The following CNOT4 variants were observed in gnomAD, a reference collection of about 807,000 sequenced individuals.
CNOT4 encodes the protein CCR4-NOT transcription complex subunit 4.
Under a neutral mutation model 73.8 loss-of-function variants are expected in CNOT4, and 8 were observed. The ratio of observed to expected loss-of-function variants is 0.11; its 90% CI spans 0.06 to 0.20. The LOEUF is 0.20. Ranked by LOEUF, CNOT4 falls within the 10% of genes least tolerant of loss-of-function variation. The pLI is 1.00. For synonymous variants in CNOT4, 293 were observed against 321.1 expected (o/e 0.91, Z 0.94); for missense variants, 564 against 883.4 (o/e 0.64, Z 4.58).
intron 10 of CNOT4, among the ~76,000 whole-genome samples, chr7:135,372,543 G>A (rs1022457543): frequency 6.7e-6 from 1 of 148,536 alleles, no homozygotes; most frequent in African/African-American, 2.5e-5. Flanking sequence ...AACCCTGAAC[G>A]TTTGCTACCA....
chr7:135,501,308 A>T (rs1289030266), intron 1 of CNOT4, among the ~76,000 whole-genome samples: 1 of 152,094 alleles, frequency 6.6e-6, no homozygotes, highest in African/African-American at 2.4e-5. Flanking sequence ...TGAGGCTGTT[A>T]TTGGAGTAAT....
chr7:135,482,197 AAT>A (rs1203669013), intron 1 of CNOT4, among the ~76,000 whole-genome samples: 1 of 152,206 alleles, frequency 6.6e-6, no homozygotes, highest in Non-Finnish European at 1.5e-5. Context: ...GTACTCCATA[AAT>A]ATATGATATT....
chr7:135,441,000 C>A (rs1799447440), intron 1 of CNOT4, among the ~76,000 whole-genome samples: 1 of 151,534 alleles, frequency 6.6e-6, no homozygotes, highest in Non-Finnish European at 1.5e-5. Flanking sequence ...TATGATATAA[C>A]ATAAGGTATG....
chr7:135,407,367 C>T (rs530691454), intron 7 of CNOT4, among the ~76,000 whole-genome samples: 1 of 152,192 alleles, frequency 6.6e-6, no homozygotes, highest in South Asian at 2.1e-4. Flanking sequence ...ATATTCATTT[C>T]CAATCTAAAG....
intron 1 of CNOT4, among the ~76,000 whole-genome samples, chr7:135,452,869 G>C (rs1316605936): frequency 6.6e-6 from 1 of 152,180 alleles, no homozygotes; most frequent in Non-Finnish European, 1.5e-5. Context: ...TAAGCCCGAT[G>C]AAAGTGTTAT....
intron 2 of CNOT4, among the ~76,000 whole-genome samples, chr7:135,436,720 T>C (rs1489762450): frequency 6.6e-6 from 1 of 151,418 alleles, no homozygotes; most frequent in Non-Finnish European, 1.5e-5. Context: ...AACATTGAAA[T>C]AGACCTAACT....
chr7:135,450,478 G>C (rs1356514045), intron 1 of CNOT4, among the ~76,000 whole-genome samples: 1 of 151,962 alleles, frequency 6.6e-6, no homozygotes, highest in African/African-American at 2.4e-5. Context: ...GTAATCCTTA[G>C]ACCCAGATTA....
chr7:135,469,799 G>A (rs1342425112), intron 1 of CNOT4, among the ~76,000 whole-genome samples: 1 of 151,628 alleles, frequency 6.6e-6, no homozygotes, highest in Non-Finnish European at 1.5e-5. Context: ...TTTTGTTGTT[G>A]GTGGTGATGT....
chr7:135,439,656 G>GTA (rs1799357096), intron 1 of CNOT4, among the ~76,000 whole-genome samples: 1 of 152,082 alleles, frequency 6.6e-6, no homozygotes, highest in African/African-American at 2.4e-5. Flanking sequence ...GGCGCACACT[G>GTA]TAGTCCCAGC....
chr7:135,495,740 AAG>A (rs1391135712), intron 1 of CNOT4, among the ~76,000 whole-genome samples: 2 of 135,942 alleles, frequency 1.5e-5, no homozygotes, highest in Non-Finnish European at 3.3e-5. Context: ...GAAAGAAAGA[AAG>A]AAAGAAAGAA....
Position 135,394,026 on chromosome 7 carries a change from T to C in CNOT4, c.1519A>G (p.Ser507Gly). Reference protein sequence around the residue: ...RYPWMAFPRNSIMHLNHTANP... With the variant: ...RYPWMAFPRNGIMHLNHTANP... ...GCTGTGTGGTTCAAGTGCATGATGC[T>C]ATTGCGTGGAAAGGCCATCCAAGGA... The change falls in exon 10 of 12, where the codon AGC (serine) becomes GGC (glycine). Residue 507 changes from serine (S) to glycine (G), a missense_variant. This residue lies in a region of CNOT4 where 153 missense variants were observed against 158.7 expected (regional missense o/e 0.96). Coordinates refer to ENST00000541284, the MANE Select transcript of CNOT4 (RefSeq NM_001190850.2). 2 of 1,614,180 alleles carry C rather than the reference T, an allele frequency of 1.2e-6. No homozygotes were observed. Among genetic ancestry groups the C allele is most frequent in the Non-Finnish European group, 1.7e-6 (2 of 1,180,012 alleles).
Position 135,438,139 on chromosome 7 carries a change from G to A in CNOT4, c.174+19C>T, listed in dbSNP as rs1799270773. 3 of 1,397,462 alleles carry A rather than the reference G, an allele frequency of 2.1e-6. No individual in the cohort carries two copies. Among genetic ancestry groups the A allele is most frequent in the African/African-American group, 2.8e-5 (2 of 70,524 alleles). 86.6% of individuals were successfully genotyped at this position (1,397,462 alleles called of 1,614,324 possible). ...TACAATTAAAACAAATCACTGTGAAGTTATTTTGAAGTATTTACCTTTCTA... is the reference window on the plus strand; with the variant it reads ...TACAATTAAAACAAATCACTGTGAAATTATTTTGAAGTATTTACCTTTCTA... On this transcript the variant is annotated intron_variant, in intron 2 of 11. Coordinates refer to ENST00000541284, the MANE Select transcript of CNOT4 (RefSeq NM_001190850.2).
intron 1 of CNOT4, among the ~76,000 whole-genome samples, chr7:135,465,505 A>G (rs1222932364): frequency 6.6e-6 from 1 of 152,244 alleles, no homozygotes. Context: ...TTACTACACT[A>G]CACTTTTTAT....
At chr7:135,396,221 A>G (rs978349979) in intron 8 of CNOT4, among the ~76,000 whole-genome samples, 1 of 147,150 alleles carries the variant, frequency 6.8e-6, no homozygotes, top group Non-Finnish European at 1.5e-5. Context: ...GGGTTCAAGC[A>G]ATTCTCCTGC....
intron 1 of CNOT4, among the ~76,000 whole-genome samples, chr7:135,502,828 A>G (rs1328929170): frequency 4.0e-5 from 6 of 151,346 alleles, no homozygotes; most frequent in East Asian, 3.9e-4. Flanking sequence ...AAAAAAAAAA[A>G]AAAAAAGAAA....
intron 1 of CNOT4, among the ~76,000 whole-genome samples, chr7:135,500,290 C>A (rs1803874148): frequency 6.6e-6 from 1 of 152,104 alleles, no homozygotes; most frequent in Non-Finnish European, 1.5e-5. Context: ...TAATAAGTGG[C>A]AATACAGTAT....
chr7:135,472,781 T>A (rs539722452), intron 1 of CNOT4, among the ~76,000 whole-genome samples: 1 of 152,050 alleles, frequency 6.6e-6, no homozygotes, highest in South Asian at 2.1e-4. Context: ...AGCTCATACC[T>A]ACAATCCTAG....
chr7:135,424,814 CAAAA>C (rs891671321), intron 2 of CNOT4, among the ~76,000 whole-genome samples: 3 of 150,712 alleles, frequency 2.0e-5, no homozygotes, highest in Admixed American at 6.6e-5. Context: ...AACAAACAAA[CAAAA>C]AAAAACAAAC....
At chr7:135,426,231 T>C (rs574222131) in intron 2 of CNOT4, among the ~76,000 whole-genome samples, 112 of 150,876 alleles carry the variant, frequency 7.4e-4, no homozygotes, top group Admixed American at 2.0e-3. Context: ...CGGGGGGAAA[T>C]GAAGAAACCA....
Sources: gnomAD v4.1 joint callset for allele counts (sites outside exome capture counted in the v4.1 genomes callset) on GRCh38, gnomAD v4.1.1 for gene constraint, gnomAD v4.1.1 regional missense constraint, MANE v1.5 for transcripts, NCBI Gene and HGNC (gene_info 2026-07-23, HGNC 2026-07-21) for gene names.